The following C11orf65 variants were observed in gnomAD, a reference collection of about 807,000 sequenced individuals.
The protein encoded by C11orf65 is chromosome 11 open reading frame 65, also known as protein MFI.
A neutral mutation model predicts 35.3 loss-of-function variants in C11orf65; 38 were observed. The observed-to-expected ratio is 1.08, with a 90% CI of 0.83 to 1.41. C11orf65 has a LOEUF of 1.41. Among genes scored for constraint, C11orf65 ranks in the 40% most tolerant of loss-of-function variants. The pLI is 0.00. For missense variants in C11orf65, 370 were observed against 367.1 expected (o/e 1.01, Z -0.06); for synonymous variants, 105 against 114.4 (o/e 0.92, Z 0.53).
At chr11:108,357,861 A>C (rs1470066249) in intron 2 of C11orf65, among the ~76,000 whole-genome samples, 3 of 151,338 alleles carry the variant, frequency 2.0e-5, no homozygotes. Context: ...AGAACAGAAA[A>C]ACTGGAAACT....
chr11:108,451,645 GA>G (rs2093348957), intron 2 of C11orf65, among the ~76,000 whole-genome samples: 1 of 152,042 alleles, frequency 6.6e-6, no homozygotes. Flanking sequence ...CACAGAATTG[GA>G]AAAGACTACT....
At chr11:108,449,459 CAG>C (rs1201576801) in intron 2 of C11orf65, among the ~76,000 whole-genome samples, 1 of 151,990 alleles carries the variant, frequency 6.6e-6, no homozygotes, top group African/African-American at 2.4e-5. Context: ...TGGAGCAGAA[CAG>C]AGTCCTCAGA....
chr11:108,383,226 T>A (rs2091905220), intron 8 of C11orf65, 51 bp from the exon 9 acceptor site: 2 of 1,394,426 alleles, frequency 1.4e-6, no homozygotes, highest in African/African-American at 2.9e-5. Flanking sequence ...AATAAGATGC[T>A]CACTCAAAAT....
intron 2 of C11orf65, among the ~76,000 whole-genome samples, chr11:108,444,100 A>C (rs895621694): frequency 6.6e-6 from 1 of 152,194 alleles, no homozygotes; most frequent in Non-Finnish European, 1.5e-5. Context: ...AAAAGAGAGA[A>C]GAATCAAATA....
intron 2 of C11orf65, among the ~76,000 whole-genome samples, chr11:108,364,729 A>T (rs938945787): frequency 2.0e-5 from 3 of 152,210 alleles, no homozygotes; most frequent in African/African-American, 7.2e-5. Context: ...GCCTGGGCTG[A>T]GGAAGAATTG....
At chr11:108,331,933 GC>G in intron 3 of C11orf65, 1 of 1,613,824 alleles carries the variant, frequency 6.2e-7, no homozygotes. Flanking sequence ...TATTATACTG[GC>G]CTTAGCAAAT....
chr11:108,453,419 A>G (rs1343791983), intron 2 of C11orf65, among the ~76,000 whole-genome samples: 2 of 152,130 alleles, frequency 1.3e-5, no homozygotes, highest in African/African-American at 2.4e-5. Context: ...TACAATAAAT[A>G]TAAATGGTCT....
chr11:108,460,973 C>T (rs1191721303), intron 2 of C11orf65, among the ~76,000 whole-genome samples: 1 of 152,148 alleles, frequency 6.6e-6, no homozygotes, highest in Non-Finnish European at 1.5e-5. Context: ...GATCCGCCTG[C>T]CTCAGCCTCT....
intron 1 of C11orf65, 37 bp from the exon 2 acceptor site, chr11:108,461,605 A>T: frequency 1.6e-6 from 2 of 1,234,956 alleles, no homozygotes; most frequent in Non-Finnish European, 2.3e-6. Context: ...CATTTAAAAT[A>T]ATTTTAATTT....
At chr11:108,370,685 G>A (rs756447133) in intron 2 of C11orf65, among the ~76,000 whole-genome samples, 32 of 151,348 alleles carry the variant, frequency 2.1e-4, no homozygotes, top group Non-Finnish European at 3.8e-4. Context: ...TCCCTAGGCT[G>A]CTGTGAGGTT....
rs2093259866 is a variant in C11orf65 at position 108,446,439 on chromosome 11, A to C, written c.82-14601T>G. ...TCAGACTAACAGCGGATCTCTCAGC[A>C]GAAACTCTACAAGCCAGAAGACAGT... On this transcript the variant is annotated intron_variant, in intron 2 of 8. Coordinates refer to ENST00000393084, the MANE Select transcript of C11orf65 (RefSeq NM_152587.5). Among the ~76,000 whole-genome samples, 3 of 151,688 alleles carry C rather than the reference A, an allele frequency of 2.0e-5. No individual in the cohort carries two copies. In the South Asian group the frequency reaches 6.2e-4, roughly 31 times the overall value.
intron 3 of C11orf65, among the ~76,000 whole-genome samples, chr11:108,422,316 A>G (rs965542411): frequency 7.9e-5 from 12 of 152,226 alleles, no homozygotes; most frequent in Admixed American, 2.0e-4. Flanking sequence ...TAATTCAAAC[A>G]TTTATGTGGA....
chr11:108,365,529 C>G (rs1006554443), intron 2 of C11orf65: 6 of 1,611,682 alleles, frequency 3.7e-6, no homozygotes, highest in Non-Finnish European at 5.1e-6. Flanking sequence ...ATGAATTACC[C>G]TTTCATTCAG....
At position 108,354,794 on chromosome 11, in the gene C11orf65, A is replaced by G; in HGVS notation, c.227-19502T>C. ...GGTGTGTAACAAAATCCGTATTTAT[A>G]ATGTGTTTGACTCTAGATGCTGTGA... On this transcript the variant is annotated intron_variant, in intron 2 of 3. Coordinates refer to the C11orf65 transcript ENST00000524755. 1 of 1,608,238 alleles carries G rather than the reference A, an allele frequency of 6.2e-7. No homozygotes were observed. The highest frequency in any genetic ancestry group is 1.1e-5 in the South Asian group (1 of 90,990).
chr11:108,316,716 T>C (rs2084679759), intron 6 of C11orf65, among the ~76,000 whole-genome samples: 1 of 137,382 alleles, frequency 7.3e-6, no homozygotes, highest in Admixed American at 8.4e-5. Context: ...CAGACCATCC[T>C]GGCTAACACG....
Position 108,319,875 on chromosome 11 carries a change from C to T in C11orf65, c.641-10804G>A, listed in dbSNP as rs549855899. 5.6e-5 allele frequency: 55 copies of T among 990,510 alleles called. No individual in the cohort carries two copies. The South Asian group carries it at 7.9e-4, about 14-fold the overall frequency. The allele number at this position is 990,510 out of a possible 1,614,324, so 61.4% of individuals were successfully genotyped here. ...AGAAATGTTAATTTAAAAATTTTGT[C>T]CTTTGGTGAAGCTATTTATACATGT... On this transcript the variant is annotated intron_variant, in intron 6 of 6. Transcript: ENST00000525729.
downstream of C11orf65, chr11:108,327,669 TAC>T: frequency 6.2e-7 from 1 of 1,613,968 alleles, no homozygotes; most frequent in South Asian, 1.1e-5. Context: ...AAAACTTACA[TAC>T]ACAGAATGTC....
intron 3 of C11orf65, among the ~76,000 whole-genome samples, chr11:108,412,256 C>A (rs564467099): frequency 6.6e-6 from 1 of 150,986 alleles, no homozygotes; most frequent in Non-Finnish European, 1.5e-5. Context: ...CACATGAAAT[C>A]GTATAAAATG....
chr11:108,342,738 A>C (rs1309363524), intron 2 of C11orf65, among the ~76,000 whole-genome samples: 1 of 152,190 alleles, frequency 6.6e-6, no homozygotes, highest in East Asian at 1.9e-4. Context: ...TATATTTAGG[A>C]GTACATTTTC....
Sources: gnomAD v4.1 joint callset for allele counts (sites outside exome capture counted in the v4.1 genomes callset) on GRCh38, gnomAD v4.1.1 for gene constraint, MANE v1.5 for transcripts, NCBI Gene and HGNC (gene_info 2026-07-23, HGNC 2026-07-21) for gene names.